The following GPCPD1 variants were observed in gnomAD, a reference collection of about 807,000 sequenced individuals.
The protein encoded by GPCPD1 is glycerophosphocholine phosphodiesterase 1.
Under a neutral mutation model 89.2 loss-of-function variants are expected in GPCPD1, and 29 were observed. The observed-to-expected ratio is 0.33, with a 90% CI of 0.24 to 0.44. The LOEUF is 0.44. Ranked by LOEUF, GPCPD1 falls within the 20% of genes least tolerant of loss-of-function variation. The pLI, the probability that GPCPD1 is intolerant of heterozygous loss-of-function variation, is 1.00. For missense variants in GPCPD1, 594 were observed against 808.9 expected, an observed-to-expected ratio of 0.73 and a Z score of 3.22; for synonymous variants, 258 against 266.3, an observed-to-expected ratio of 0.97 and a Z score of 0.30.
rs1391358268 is a variant in GPCPD1 at position 5,558,070 on chromosome 20, G to C, written c.1704C>G (p.Asn568Lys). Residue 568 changes from asparagine to lysine, a missense_variant, in exon 19 of 20, where the codon AAC (asparagine) becomes AAG (lysine). Transcript: ENST00000379019. ...INVHTEDLLR[N>K]PSYIQEAKAK... is the part of the protein sequence containing the mutation. ...CTTTTGCCTCTTGAATATAGGATGG[G>C]TTTCTGAGCAAGTCTTCAGTATGTA... The C allele has an allele frequency of 1.2e-6, 2 of 1,603,152 alleles. No individual in the cohort carries two copies. Among genetic ancestry groups the C allele is most frequent in the African/African-American group, 2.7e-5 (2 of 74,576 alleles).
chr20:5,565,025 G>A lies in GPCPD1; in HGVS notation c.1321C>T (p.Leu441Phe). The change falls in exon 15 of 20, where the codon CTT becomes TTT. Residue 441 changes from leucine (L) to phenylalanine (F), a missense_variant. Physicochemically the swap from Leu to Phe is conservative, Grantham distance 22. Coordinates refer to ENST00000379019, the MANE Select transcript of GPCPD1 (RefSeq NM_019593.5). Reference sequence around the variant, plus strand: ...TTTCCTCAATAACTTACCATCTTAAGAGAAGGAAATGGCTGATTTTCTGAA... The same window carrying A: ...TTTCCTCAATAACTTACCATCTTAAAAGAAGGAAATGGCTGATTTTCTGAA... ...SFSENQPFPS[L>F]KMVLESLPED... 1 of 1,485,778 alleles carries A rather than the reference G, an allele frequency of 6.7e-7. No individual in the cohort carries two copies. Among genetic ancestry groups the A allele is most frequent in the Non-Finnish European group, 9.4e-7 (1 of 1,063,572 alleles). 92.0% of individuals were successfully genotyped at this position (1,485,778 alleles called of 1,614,324 possible).
intron 10 of GPCPD1, among the ~76,000 whole-genome samples, chr20:5,574,381 G>A (rs1339723996): frequency 1.3e-5 from 2 of 152,260 alleles, no homozygotes; most frequent in East Asian, 1.9e-4. Flanking sequence ...CACACACACA[G>A]GATAGAAGTA....
intron 19 of GPCPD1, chr20:5,548,889 GA>G: frequency 9.6e-7 from 1 of 1,038,994 alleles, no homozygotes; most frequent in Non-Finnish European, 1.3e-6. Flanking sequence ...GTGAAGAGGA[GA>G]AAACAGAATC....
chr20:5,579,874 T>C (rs554685133), intron 7 of GPCPD1, 134 bp downstream of exon 7: 33 of 521,762 alleles, frequency 6.3e-5, no homozygotes, highest in African/African-American at 5.9e-4. Flanking sequence ...AGTTCACTAT[T>C]ACAAAGCCCT....
Position 5,565,071 on chromosome 20 carries a change from C to T in GPCPD1, c.1275G>A (p.Val425=). The T allele has an allele frequency of 6.6e-7, 1 of 1,509,224 alleles. No homozygotes were observed. 93.5% of individuals were successfully genotyped at this position (1,509,224 alleles called of 1,614,324 possible). ...ALKSKDRKES[V]VQEENSFSEN... ...CTGAAAAGGAATTTTCCTCCTGAACCACAGATTCTGAAATTTTAAAACACA... is the reference window on the plus strand; with the variant it reads ...CTGAAAAGGAATTTTCCTCCTGAACTACAGATTCTGAAATTTTAAAACACA... The change falls in exon 15 of 20, where the codon GTG becomes GTA. Residue 425 remains valine, a synonymous_variant. Transcript: ENST00000379019.
At chr20:5,562,115 A>C (rs1168458500) in intron 15 of GPCPD1, among the ~76,000 whole-genome samples, 1 of 152,220 alleles carries the variant, frequency 6.6e-6, no homozygotes, top group Admixed American at 6.5e-5. Flanking sequence ...TTATCTAGAC[A>C]CTTTGCCATC....
At chr20:5,587,180 A>AATAC (rs1027979960) in intron 4 of GPCPD1, among the ~76,000 whole-genome samples, 14 of 152,196 alleles carry the variant, frequency 9.2e-5, no homozygotes, top group African/African-American at 3.1e-4. Flanking sequence ...AAAACCCTTA[A>AATAC]ATACACATTT....
intron 1 of GPCPD1, among the ~76,000 whole-genome samples, chr20:5,606,203 GAT>G: frequency 6.6e-6 from 1 of 152,150 alleles, no homozygotes; most frequent in South Asian, 2.1e-4. Context: ...TATACTTCGA[GAT>G]ACTTACATAA....
At chr20:5,577,180 T>A (rs1371211792) in intron 8 of GPCPD1, among the ~76,000 whole-genome samples, 1 of 148,664 alleles carries the variant, frequency 6.7e-6, no homozygotes, top group African/African-American at 2.5e-5. Flanking sequence ...TTCTCCTGCC[T>A]CAGCCTCTCG....
At chr20:5,593,793 T>C (rs1421686613) in intron 3 of GPCPD1, among the ~76,000 whole-genome samples, 1 of 152,162 alleles carries the variant, frequency 6.6e-6, no homozygotes, top group Non-Finnish European at 1.5e-5. Flanking sequence ...AAACAGAAAA[T>C]TCAAGTTGTA....
intron 8 of GPCPD1, 57 bp downstream of exon 8, chr20:5,578,323 T>C: frequency 1.9e-6 from 2 of 1,066,260 alleles, no homozygotes; most frequent in Non-Finnish European, 2.9e-6. Flanking sequence ...AAACCAACGT[T>C]AAAATAAGCT....
intron 13 of GPCPD1, among the ~76,000 whole-genome samples, 189 bp downstream of exon 13, chr20:5,567,294 A>G (rs1321624196): frequency 6.6e-6 from 1 of 152,206 alleles, no homozygotes; most frequent in Admixed American, 6.5e-5. Context: ...GGGTCCATGG[A>G]AATGGTTGGA....
chr20:5,568,619 G>A (rs1222260585), intron 12 of GPCPD1, among the ~76,000 whole-genome samples: 2 of 152,102 alleles, frequency 1.3e-5, no homozygotes, highest in Admixed American at 1.3e-4. Context: ...GTAAACTGTA[G>A]CTTGGCCGGG....
intron 19 of GPCPD1, chr20:5,548,828 G>A (rs956062039): frequency 1.4e-6 from 1 of 696,816 alleles, no homozygotes; most frequent in Non-Finnish European, 2.1e-6. Context: ...GCAGATCGAT[G>A]TAAGACGGCG....
At chr20:5,561,325 C>G in intron 16 of GPCPD1, 140 bp downstream of exon 16, 1 of 494,840 alleles carries the variant, frequency 2.0e-6, no homozygotes, top group Non-Finnish European at 3.6e-6. Context: ...TTAAAGGGTC[C>G]AATAAGCATT....
chr20:5,608,500 T>C (rs943870986), intron 1 of GPCPD1, among the ~76,000 whole-genome samples: 1 of 152,094 alleles, frequency 6.6e-6, no homozygotes, highest in Admixed American at 6.5e-5. Flanking sequence ...TGGTGCAGTG[T>C]TGTAGTATAC....
chr20:5,582,115 G>A (rs2122700998), intron 6 of GPCPD1, among the ~76,000 whole-genome samples: 1 of 143,168 alleles, frequency 7.0e-6, no homozygotes, highest in East Asian at 2.0e-4. Context: ...GAACCCGGGA[G>A]GCGGAGCTTG....
chr20:5,591,979 T>C (rs1173805834), intron 4 of GPCPD1, among the ~76,000 whole-genome samples: 1 of 152,228 alleles, frequency 6.6e-6, no homozygotes, highest in Non-Finnish European at 1.5e-5. Flanking sequence ...GCAGACTTCT[T>C]GCCAATTTTT....
At chr20:5,576,266 A>G (rs902920566) in intron 8 of GPCPD1, among the ~76,000 whole-genome samples, 1 of 152,030 alleles carries the variant, frequency 6.6e-6, no homozygotes, top group Admixed American at 6.5e-5. Context: ...TAAAAATACA[A>G]AAAATTAGCC....
Sources: gnomAD v4.1 joint callset for allele counts (sites outside exome capture counted in the v4.1 genomes callset) on GRCh38, gnomAD v4.1.1 for gene constraint, MANE v1.5 for transcripts, NCBI Gene and HGNC (gene_info 2026-07-23, HGNC 2026-07-21) for gene names.